Variants in TRIAP1 observed in about 807,000 individuals in gnomAD.
TRIAP1 encodes TP53 regulated inhibitor of apoptosis 1.
A neutral mutation model predicts 8.4 loss-of-function variants in TRIAP1; 8 were observed. The ratio of observed to expected loss-of-function variants is 0.96; its 90% CI spans 0.56 to 1.73. The LOEUF (loss-of-function observed/expected upper bound fraction) is 1.73. Ranked by LOEUF, TRIAP1 falls within the 40% of genes most tolerant of loss-of-function variation. The pLI, the probability that TRIAP1 is intolerant of heterozygous loss-of-function variation, is 0.00. For synonymous variants in TRIAP1, 35 were observed against 34.0 expected (o/e 1.03, Z -0.10); for missense variants, 90 against 96.9 (o/e 0.93, Z 0.30).
chr12:120,444,959 G>A lies in TRIAP1; in HGVS notation c.148-4C>T. 1.2e-6 allele frequency: 2 copies of A among 1,608,458 alleles called. No individual in the cohort carries two copies. The highest frequency in any genetic ancestry group is 2.2e-5 in the East Asian group (1 of 44,822). On this transcript the variant is annotated splice_region_variant and splice_polypyrimidine_tract_variant and intron_variant, in intron 1 of 1. Coordinates refer to ENST00000546954, the MANE Select transcript of TRIAP1 (RefSeq NM_016399.3). ...TCTCTTTCTCCTTTATTGCTTTCTG[G>A]TAGGAGGAGAAAACACATTATAAAG...
chr12:120,444,804 G>C lies in TRIAP1; in HGVS notation c.*68C>G. 1 of 1,188,132 alleles carries C rather than the reference G, an allele frequency of 8.4e-7. No homozygotes were observed. Among genetic ancestry groups the C allele is most frequent in the Non-Finnish European group, 1.3e-6 (1 of 797,190 alleles). 73.6% of individuals were successfully genotyped at this position (1,188,132 alleles called of 1,614,324 possible). On this transcript the variant is annotated 3_prime_UTR_variant, in exon 2 of 2. Transcript: ENST00000546954. ...CAAATCTGATGGCTATGTTCACAGAGTTAGTTGACAAAAATCCAGAGTCCT... is the reference window on the plus strand; with the variant it reads ...CAAATCTGATGGCTATGTTCACAGACTTAGTTGACAAAAATCCAGAGTCCT...
At chr12:120,445,740 G>A (rs1273451422) in intron 1 of TRIAP1, among the ~76,000 whole-genome samples, 1 of 152,114 alleles carries the variant, frequency 6.6e-6, no homozygotes, top group Non-Finnish European at 1.5e-5. Flanking sequence ...GCGGGGACTG[G>A]TCAAGAGAGA....
chr12:120,444,889 GCTTTT>G lies in TRIAP1; in HGVS notation c.209_213del (p.Glu70AlafsTer2). On this transcript the variant is annotated frameshift_variant, in exon 2 of 2. Transcript: ENST00000546954. LOFTEE classifies it high-confidence loss of function. ...TGTCAAGGTCAAGAAGAATTTTCAG[GCTTTT>G]CTTTGCCATGGCCCATGAACTCCAG... 2 of 1,613,538 alleles carry G rather than the reference GCTTTT, an allele frequency of 1.2e-6. No individual in the cohort carries two copies. The highest frequency in any genetic ancestry group is 8.5e-7 in the Non-Finnish European group (1 of 1,179,762).
rs1363089164 is a variant in TRIAP1, at chr12:120,444,931, G to A, written c.172C>T (p.Pro58Ser). Reference sequence around the variant, plus strand: ...CCCATGAACTCCAGTCCTTCAATAGGAATCTCTTTCTCCTTTATTGCTTTC... The same window carrying A: ...CCCATGAACTCCAGTCCTTCAATAGAAATCTCTTTCTCCTTTATTGCTTTC... Reference protein sequence around the residue: ...VQKAIKEKEIPIEGLEFMGHG... With the variant: ...VQKAIKEKEISIEGLEFMGHG... Residue 58 changes from proline (P) to serine (S), a missense_variant, in exon 2 of 2, where the codon CCT (proline) becomes TCT (serine). Physicochemically the swap from Pro to Ser is moderately conservative, Grantham distance 74. Coordinates refer to ENST00000546954, the MANE Select transcript of TRIAP1 (RefSeq NM_016399.3). 1 of 1,613,600 alleles carries A rather than the reference G, an allele frequency of 6.2e-7. No homozygotes were observed. Among genetic ancestry groups the A allele is most frequent in the East Asian group, 2.2e-5 (1 of 44,854 alleles).
chr12:120,444,846 G>A lies in TRIAP1; in HGVS notation c.*26C>T, dbSNP rs746454192. ...CAGAGTCCTCAATTTCTGGACTTGC[G>A]AAATCCTTCAAGGTGACTGTCAAGG... is the stretch of plus-strand genomic sequence containing the variant. On this transcript the variant is annotated 3_prime_UTR_variant, in exon 2 of 2. Transcript: ENST00000546954. 38 of 1,596,730 alleles carry A rather than the reference G, an allele frequency of 2.4e-5. No individual in the cohort carries two copies. Among genetic ancestry groups the A allele is most frequent in the Non-Finnish European group, 2.1e-5 (24 of 1,166,246 alleles).
intron 1 of TRIAP1, among the ~76,000 whole-genome samples, chr12:120,445,251 C>T (rs1877820108): frequency 6.6e-6 from 1 of 152,132 alleles, no homozygotes; most frequent in Admixed American, 6.6e-5. Flanking sequence ...ATTAGCTGGG[C>T]ATGGTGGCGC....
At position 120,444,759 on chromosome 12, in the gene TRIAP1, C is replaced by T. The variant is rs1877806122; in HGVS notation, c.*113G>A. On this transcript the variant is annotated 3_prime_UTR_variant, in exon 2 of 2. Transcript: ENST00000546954. Reference sequence around the variant, plus strand: ...AACATCGAAGGAGGAAATAAAACTCCTCTCTCCTAAGTTCCTCATCAAATC... The same window carrying T: ...AACATCGAAGGAGGAAATAAAACTCTTCTCTCCTAAGTTCCTCATCAAATC... 20 of 790,546 alleles carry T rather than the reference C, an allele frequency of 2.5e-5. No homozygotes were observed. In the South Asian group the frequency reaches 2.6e-4, roughly 10 times the overall value. The allele number at this position is 790,546 out of a possible 1,614,324, so 49.0% of individuals were successfully genotyped here. A position where few individuals can be genotyped will look rare whatever the true frequency, so the allele number is the denominator to read the frequency against.
chr12:120,444,283 T>G lies in TRIAP1; in HGVS notation c.*589A>C, dbSNP rs533221324. ...TTCTTGCAGCTTTCACATCTTAATC[T>G]GACACCTCTTGTGAAGGCAGGGAAC... On this transcript the variant is annotated 3_prime_UTR_variant, in exon 2 of 2. Coordinates refer to ENST00000546954, the MANE Select transcript of TRIAP1 (RefSeq NM_016399.3). 1.3e-5 allele frequency: 2 copies of G among 152,664 alleles called. No individual in the cohort carries two copies. The highest frequency in any genetic ancestry group is 2.4e-5 in the African/African-American group (1 of 41,592). 9.5% of individuals were successfully genotyped at this position (152,664 alleles called of 1,614,324 possible).
chr12:120,444,845 C>A lies in TRIAP1; in HGVS notation c.*27G>T. The A allele has an allele frequency of 1.3e-6, 2 of 1,594,254 alleles. No individual in the cohort carries two copies. Among genetic ancestry groups the A allele is most frequent in the African/African-American group, 1.3e-5 (1 of 74,454 alleles). On this transcript the variant is annotated 3_prime_UTR_variant, in exon 2 of 2. Transcript: ENST00000546954. ...CCAGAGTCCTCAATTTCTGGACTTG[C>A]GAAATCCTTCAAGGTGACTGTCAAG...
intron 1 of TRIAP1, 96 bp downstream of exon 1, chr12:120,446,130 C>A (rs1390649628): frequency 6.6e-7 from 1 of 1,521,006 alleles, no homozygotes; most frequent in African/African-American, 1.4e-5. Context: ...TTTCTCCACC[C>A]TTCCAGTCCA....
Position 120,446,189 on chromosome 12 carries a change from G to C in TRIAP1, c.147+37C>G, listed in dbSNP as rs771534352. 6.2e-6 allele frequency: 10 copies of C among 1,608,744 alleles called. No homozygotes were observed. The East Asian group carries it at 1.3e-4, about 22-fold the overall frequency. On this transcript the variant is annotated intron_variant, in intron 1 of 1. Coordinates refer to ENST00000546954, the MANE Select transcript of TRIAP1 (RefSeq NM_016399.3). Reference sequence around the variant, plus strand: ...TGAGTGTGGTGGGACACAGCGCCGAGAATGCAGGGCCTGGGAACAGAGGCG... The same window carrying C: ...TGAGTGTGGTGGGACACAGCGCCGACAATGCAGGGCCTGGGAACAGAGGCG...
At chr12:120,446,094 C>G in intron 1 of TRIAP1, 132 bp downstream of exon 1, 4 of 1,315,484 alleles carry the variant, frequency 3.0e-6, no homozygotes, top group Non-Finnish European at 4.1e-6. Flanking sequence ...GGGGAGCGAG[C>G]TCCTGCCACT....
chr12:120,446,104 T>G, intron 1 of TRIAP1, 122 bp downstream of exon 1: 2 of 1,397,302 alleles, frequency 1.4e-6, no homozygotes, highest in Non-Finnish European at 1.9e-6. Flanking sequence ...CTCCTGCCAC[T>G]GGCCTCACTG....
intron 1 of TRIAP1, 30 bp from the exon 2 acceptor site, chr12:120,444,985 A>G (rs779514757): frequency 2.0e-6 from 3 of 1,498,406 alleles, no homozygotes; most frequent in Non-Finnish European, 2.8e-6. Context: ...CATTATAAAG[A>G]CCTACATGAA....
rs1877805179 is a variant in TRIAP1 at position 120,444,728 on chromosome 12, G to A, written c.*144C>T. 1 of 702,630 alleles carries A rather than the reference G, an allele frequency of 1.4e-6. No homozygotes were observed. The allele number at this position is 702,630 out of a possible 1,614,324, so 43.5% of individuals were successfully genotyped here. A position where few individuals can be genotyped will look rare whatever the true frequency, so the allele number is the denominator to read the frequency against. On this transcript the variant is annotated 3_prime_UTR_variant, in exon 2 of 2. Coordinates refer to ENST00000546954, the MANE Select transcript of TRIAP1 (RefSeq NM_016399.3). ...CAAAGAGTTCATCTTTTACAACTGA[G>A]AGGAAAACATCGAAGGAGGAAATAA...
In TRIAP1 at chr12:120,444,066, C is replaced by A. The variant is rs1434144817; in HGVS notation, c.*806G>T. 6.6e-6 allele frequency: 1 copy of A among 152,164 alleles called. No homozygotes were observed. The highest frequency in any genetic ancestry group is 1.9e-4 in the East Asian group (1 of 5,198). 9.4% of individuals were successfully genotyped at this position (152,164 alleles called of 1,614,324 possible). A position where few individuals can be genotyped will look rare whatever the true frequency, so the allele number is the denominator to read the frequency against. ...AATGAAGCGAGCACCTTCAGCTTCC[C>A]CCCTACCCCGACATTTAACCAGATG... On this transcript the variant is annotated 3_prime_UTR_variant, in exon 2 of 2. Coordinates refer to ENST00000546954, the MANE Select transcript of TRIAP1 (RefSeq NM_016399.3).
chr12:120,445,056 A>T, intron 1 of TRIAP1, 101 bp from the exon 2 acceptor site: 1 of 851,380 alleles, frequency 1.2e-6, no homozygotes, highest in South Asian at 1.5e-5. Context: ...CAAGCTGATT[A>T]TAAAGACTTA....
intron 1 of TRIAP1, chr12:120,445,926 G>GTTAGTTTTTTAT: frequency 2.9e-6 from 1 of 350,346 alleles, no homozygotes; most frequent in Non-Finnish European, 5.2e-6. Context: ...ATTTCTGGGT[G>GTTAGTTTTTTAT]TTAGTTTTTT....
chr12:120,445,063 CTT>C, intron 1 of TRIAP1, 108 bp from the exon 2 acceptor site: 2 of 821,954 alleles, frequency 2.4e-6, no homozygotes, highest in Admixed American at 2.4e-5. Context: ...ATTATAAAGA[CTT>C]ATAACCATGA....
Sources: allele counts gnomAD v4.1 joint callset (sites outside exome capture counted in the v4.1 genomes callset), GRCh38; gene constraint gnomAD v4.1.1; transcripts MANE v1.5; gene names NCBI Gene and HGNC (gene_info 2026-07-23, HGNC 2026-07-21).